TENM3: variants seen among roughly 807,000 people sequenced by gnomAD.
TENM3 encodes the protein teneurin transmembrane protein 3.
A neutral mutation model predicts 255.1 loss-of-function variants in TENM3; 63 were observed. That is an observed-to-expected ratio of 0.25 (90% CI 0.20 to 0.30). The LOEUF (loss-of-function observed/expected upper bound fraction) is 0.30, where lower values mean the gene tolerates loss of function less well. TENM3 is among the 10% of genes least tolerant of loss of function. The pLI is 1.00. For missense variants in TENM3, 2,929 were observed against 3,461.1 expected, an observed-to-expected ratio of 0.85 and a Z score of 3.86; for synonymous variants, 1,306 against 1,322.3, an observed-to-expected ratio of 0.99 and a Z score of 0.27.
At chr4:181,532,908 G>T in the TENM3 span, among the ~76,000 whole-genome samples, 4 of 152,016 alleles carry the variant, frequency 2.6e-5, no homozygotes, top group African/African-American at 4.8e-5. Flanking sequence ...CCTTTTTGAT[G>T]ATTTTCTTAA....
At chr4:182,034,224 C>T in the TENM3 span, among the ~76,000 whole-genome samples, 2 of 152,166 alleles carry the variant, frequency 1.3e-5, no homozygotes, top group Non-Finnish European at 2.9e-5. Flanking sequence ...CCTGGCCCCA[C>T]CCTTAACACA....
At chr4:181,527,811 T>TC in the TENM3 span, among the ~76,000 whole-genome samples, 1 of 151,996 alleles carries the variant, frequency 6.6e-6, no homozygotes, top group Non-Finnish European at 1.5e-5. Context: ...AGTCTTTTTT[T>TC]TCGTTTAATG....
At chr4:182,761,228 G>A (rs563709274) in intron 22 of TENM3, among the ~76,000 whole-genome samples, 6 of 152,216 alleles carry the variant, frequency 3.9e-5, no homozygotes, top group African/African-American at 1.4e-4. Flanking sequence ...AGACCAGCCT[G>A]GCCAACATGG....
the TENM3 span, among the ~76,000 whole-genome samples, chr4:181,563,664 A>G: frequency 1.3e-5 from 2 of 152,328 alleles, no homozygotes; most frequent in Non-Finnish European, 1.5e-5. Flanking sequence ...TGAGATGCAG[A>G]CATACATTCA....
chr4:181,659,259 A>G, the TENM3 span, among the ~76,000 whole-genome samples: 2 of 152,134 alleles, frequency 1.3e-5, no homozygotes, highest in Non-Finnish European at 2.9e-5. Context: ...TTGTTATCCT[A>G]TAAATAAACA....
upstream of TENM3, chr4:182,143,443 G>A (rs1424930997): frequency 6.0e-6 from 1 of 166,862 alleles, no homozygotes; most frequent in Admixed American, 6.5e-5. This position sits in a 1 kb window ranked among gnomAD's most constrained non-coding sequence, Gnocchi z 4.3. Context: ...CCTACCGGGG[G>A]TGGAAATCCT....
chr4:181,824,463 T>C, the TENM3 span, among the ~76,000 whole-genome samples: 1 of 152,144 alleles, frequency 6.6e-6, no homozygotes, highest in Non-Finnish European at 1.5e-5. Context: ...AAGACAGTTC[T>C]CTCAGCAAAC....
At chr4:182,385,150 C>T (rs765164208) in intron 3 of TENM3, among the ~76,000 whole-genome samples, 3 of 151,894 alleles carry the variant, frequency 2.0e-5, no homozygotes, top group Non-Finnish European at 2.9e-5. Context: ...CCAGATTAAA[C>T]TCCGAATTCA....
intron 3 of TENM3, among the ~76,000 whole-genome samples, chr4:182,417,013 G>A (rs1770414509): frequency 6.6e-6 from 1 of 152,040 alleles, no homozygotes. Context: ...TCCCTCTGTC[G>A]CCCAGGCTGG....
At chr4:181,458,043 G>A in the TENM3 span, among the ~76,000 whole-genome samples, 3 of 151,826 alleles carry the variant, frequency 2.0e-5, no homozygotes, top group Non-Finnish European at 4.4e-5. Context: ...AAGAACTAGT[G>A]GAGTTCACAC....
chr4:181,502,815 G>A, the TENM3 span, among the ~76,000 whole-genome samples: 16,450 of 152,168 alleles, frequency 0.11, 1,003 homozygotes, highest in South Asian at 0.25. Context: ...TCAGGCCAGC[G>A]TCAGGTAGGT....
chr4:182,138,593 C>G, the TENM3 span, among the ~76,000 whole-genome samples: 5 of 152,092 alleles, frequency 3.3e-5, no homozygotes, highest in Non-Finnish European at 5.9e-5. Context: ...AAATGAAAAG[C>G]AGTCATCTTA....
chr4:182,282,893 A>G (rs1261470538), intron 1 of TENM3, among the ~76,000 whole-genome samples: 1 of 126,458 alleles, frequency 7.9e-6, no homozygotes, highest in African/African-American at 3.2e-5. Context: ...ACTCCATTTC[A>G]GAAAAAAAAA....
At chr4:182,453,173 G>A (rs574713539) in intron 3 of TENM3, among the ~76,000 whole-genome samples, 5 of 152,066 alleles carry the variant, frequency 3.3e-5, no homozygotes, top group Non-Finnish European at 5.9e-5. Flanking sequence ...ATGTATTTAA[G>A]TTTTGAAATG....
At chr4:181,544,825 A>G in the TENM3 span, among the ~76,000 whole-genome samples, 23 of 152,244 alleles carry the variant, frequency 1.5e-4, no homozygotes, top group African/African-American at 5.5e-4. Flanking sequence ...AAATTAAAAT[A>G]AGGAAGCCAG....
At chr4:181,523,270 G>A in the TENM3 span, among the ~76,000 whole-genome samples, 14 of 152,080 alleles carry the variant, frequency 9.2e-5, no homozygotes, top group East Asian at 3.9e-4. Context: ...TTATTTATGC[G>A]TAACATTCAA....
chr4:182,156,908 G>A (rs911585670), intron 1 of TENM3, among the ~76,000 whole-genome samples: 3 of 152,160 alleles, frequency 2.0e-5, no homozygotes, highest in African/African-American at 7.2e-5. Flanking sequence ...CTCACAGGGA[G>A]TTTTCGTTTC....
intron 1 of TENM3, among the ~76,000 whole-genome samples, chr4:182,188,478 C>T (rs1001959748): frequency 3.3e-5 from 5 of 152,094 alleles, no homozygotes; most frequent in Admixed American, 3.3e-4. Flanking sequence ...TCTAACCTAC[C>T]GTAGATGAAT....
At chr4:181,540,672 C>T in the TENM3 span, among the ~76,000 whole-genome samples, 152 of 152,276 alleles carry the variant, frequency 1.0e-3, no homozygotes, top group African/African-American at 3.5e-3. Flanking sequence ...AAAACATTAG[C>T]TGAATCCCCA....
Sources: gnomAD v4.1 joint callset for allele counts (sites outside exome capture counted in the v4.1 genomes callset) on GRCh38, gnomAD v4.1.1 for gene constraint, Gnocchi (gnomAD v3.1) non-coding constraint, MANE v1.5 for transcripts, NCBI Gene and HGNC (gene_info 2026-07-23, HGNC 2026-07-21) for gene names.